ARFGEF1: variants seen among roughly 807,000 people sequenced by gnomAD.
ARFGEF1 encodes the protein ARF guanine nucleotide exchange factor 1, also known as brefeldin A-inhibited guanine nucleotide-exchange protein 1.
ARFGEF1 carries 42 observed loss-of-function variants against 231.0 expected under a neutral mutation model. That is an observed-to-expected ratio of 0.18 (90% CI 0.14 to 0.24). The LOEUF (loss-of-function observed/expected upper bound fraction) is 0.24. Ranked by LOEUF, ARFGEF1 falls within the 10% of genes least tolerant of loss-of-function variation. ARFGEF1 has a pLI of 1.00. For synonymous variants in ARFGEF1, 710 were observed against 732.3 expected (o/e 0.97, Z 0.49); for missense variants, 1,345 against 2,192.0 (o/e 0.61, Z 7.72).
intron 2 of ARFGEF1, among the ~76,000 whole-genome samples, chr8:67,302,073 C>T (rs1262141797): frequency 6.6e-6 from 1 of 151,946 alleles, no homozygotes; most frequent in Non-Finnish European, 1.5e-5. Flanking sequence ...GTGGTGCTCG[C>T]CTGTAGTCCC....
chr8:67,343,369 A>T lies in ARFGEF1; in HGVS notation c.-82T>A. 3 of 1,511,868 alleles carry T rather than the reference A, an allele frequency of 2.0e-6. No homozygotes were observed. The highest frequency in any genetic ancestry group is 1.8e-6 in the Non-Finnish European group (2 of 1,121,342). The allele number at this position is 1,511,868 out of a possible 1,614,324, so 93.7% of individuals were successfully genotyped here. A position where few individuals can be genotyped will look rare whatever the true frequency, so the allele number is the denominator to read the frequency against. Reference sequence around the variant, plus strand: ...GGAGGAGGAGGAGAGGAAGGAAGAGAAGAGAGAAAGGAGAGGGGGTGGAGG... The same window carrying T: ...GGAGGAGGAGGAGAGGAAGGAAGAGTAGAGAGAAAGGAGAGGGGGTGGAGG... On this transcript the variant is annotated 5_prime_UTR_variant, in exon 1 of 39. Transcript: ENST00000262215.
chr8:67,221,540 T>C (rs963196328), intron 29 of ARFGEF1, among the ~76,000 whole-genome samples: 3 of 152,214 alleles, frequency 2.0e-5, no homozygotes, highest in African/African-American at 7.2e-5. Flanking sequence ...AATACTTTTA[T>C]ATAGCTGTAC....
intron 19 of ARFGEF1, among the ~76,000 whole-genome samples, chr8:67,243,754 C>G (rs888176347): frequency 1.3e-5 from 2 of 152,112 alleles, no homozygotes; most frequent in East Asian, 3.9e-4. Flanking sequence ...CACGACCTCA[C>G]CAAACGAACT....
intron 33 of ARFGEF1, among the ~76,000 whole-genome samples, chr8:67,212,335 G>A (rs569222037): frequency 1.5e-4 from 23 of 152,166 alleles, no homozygotes; most frequent in East Asian, 9.7e-4. Context: ...TGCCTGCCTC[G>A]GCCTCCCAAA....
intron 5 of ARFGEF1, among the ~76,000 whole-genome samples, chr8:67,181,332 C>G (rs1373628206): frequency 6.7e-6 from 1 of 148,662 alleles, no homozygotes; most frequent in Non-Finnish European, 1.5e-5. Context: ...GCCACTGTAC[C>G]TGGCCATTTT....
At chr8:67,266,333 A>C (rs1804849780) in intron 13 of ARFGEF1, 126 bp from the exon 14 acceptor site, 1 of 686,946 alleles carries the variant, frequency 1.5e-6, no homozygotes, top group African/African-American at 1.8e-5. Context: ...AATACAAAAT[A>C]ACTATTAGGT....
intron 10 of ARFGEF1, among the ~76,000 whole-genome samples, chr8:67,271,048 A>G (rs1055307266): frequency 1.3e-5 from 2 of 148,952 alleles, no homozygotes; most frequent in African/African-American, 4.9e-5. Context: ...AAAAAAGGAA[A>G]AAGAAAAAAA....
chr8:67,311,812 A>G (rs1587289816), intron 1 of ARFGEF1, among the ~76,000 whole-genome samples: 1 of 152,204 alleles, frequency 6.6e-6, no homozygotes, highest in Non-Finnish European at 1.5e-5. Flanking sequence ...AAAGGTGGGG[A>G]AAAGATTGAG....
intron 29 of ARFGEF1, among the ~76,000 whole-genome samples, chr8:67,222,266 TG>T (rs1563846716): frequency 4.6e-4 from 58 of 126,188 alleles, no homozygotes; most frequent in African/African-American, 1.5e-3. Flanking sequence ...TATGTATGTA[TG>T]TATTTTTTTT....
chr8:67,316,203 A>G (rs1807308184), intron 1 of ARFGEF1, among the ~76,000 whole-genome samples: 1 of 152,206 alleles, frequency 6.6e-6, no homozygotes, highest in Non-Finnish European at 1.5e-5. Flanking sequence ...AAGAAGCACA[A>G]GCTACCACAA....
intron 1 of ARFGEF1, among the ~76,000 whole-genome samples, chr8:67,338,436 G>T (rs2128938012): frequency 6.6e-6 from 1 of 152,278 alleles, no homozygotes; most frequent in African/African-American, 2.4e-5. Context: ...CATAAATTCA[G>T]GAAGAACTTC....
Position 67,296,548 on chromosome 8 carries a change from A to G in ARFGEF1, c.522T>C (p.Ala174=), listed in dbSNP as rs1452753633. Residue 174 remains alanine, a synonymous_variant, in exon 5 of 39, where the codon GCT becomes GCC. Coordinates refer to ENST00000262215, the MANE Select transcript of ARFGEF1 (RefSeq NM_006421.5). ...IEIHEGTVLQ[A]VRTCYNIYLA... ...AGTAGATATTGTAACATGTTCTCAC[A>G]GCTTGCAGTACAGTCCCTTCATGAA... 5.6e-6 allele frequency: 9 copies of G among 1,614,044 alleles called. No individual in the cohort carries two copies. The highest frequency in any genetic ancestry group is 7.6e-6 in the Non-Finnish European group (9 of 1,179,972).
chr8:67,184,408 A>T (rs1403257144), intron 5 of ARFGEF1, among the ~76,000 whole-genome samples: 1 of 152,218 alleles, frequency 6.6e-6, no homozygotes, highest in Non-Finnish European at 1.5e-5. Flanking sequence ...TAGCCAAGCT[A>T]ATAAAAGAGA....
chr8:67,236,346 A>T (rs1309799052), intron 22 of ARFGEF1, among the ~76,000 whole-genome samples: 1 of 45,636 alleles, frequency 2.2e-5, no homozygotes, highest in South Asian at 8.7e-4. Flanking sequence ...AAAAGATATT[A>T]GTTAAAAAAA....
chr8:67,340,299 G>A (rs1366317462), intron 1 of ARFGEF1, among the ~76,000 whole-genome samples: 1 of 152,148 alleles, frequency 6.6e-6, no homozygotes, highest in Non-Finnish European at 1.5e-5. Context: ...TATTTAGAAG[G>A]GTTATAACAC....
At chr8:67,243,823 C>G (rs763515591) in intron 19 of ARFGEF1, among the ~76,000 whole-genome samples, 1 of 152,072 alleles carries the variant, frequency 6.6e-6, no homozygotes, top group Non-Finnish European at 1.5e-5. Flanking sequence ...ACAGAGAATT[C>G]AAAAGAGCTG....
chr8:67,282,994 A>C (rs1805600811), intron 7 of ARFGEF1, among the ~76,000 whole-genome samples: 1 of 152,078 alleles, frequency 6.6e-6, no homozygotes, highest in Non-Finnish European at 1.5e-5. Context: ...GAACAAAAGA[A>C]AGAAAAGGAA....
At chr8:67,335,282 T>G (rs571417843) in intron 1 of ARFGEF1, among the ~76,000 whole-genome samples, 3 of 152,072 alleles carry the variant, frequency 2.0e-5, no homozygotes, top group Admixed American at 2.0e-4. Flanking sequence ...ATTTTTTGTA[T>G]TTTTAGTAGA....
intron 34 of ARFGEF1, among the ~76,000 whole-genome samples, chr8:67,208,378 C>G (rs1292923144): frequency 6.6e-6 from 1 of 152,164 alleles, no homozygotes; most frequent in Non-Finnish European, 1.5e-5. Flanking sequence ...CGCCTTTAAT[C>G]CCAGCACTTT....
Sources: allele counts gnomAD v4.1 joint callset (sites outside exome capture counted in the v4.1 genomes callset), GRCh38; gene constraint gnomAD v4.1.1; transcripts MANE v1.5; gene names NCBI Gene and HGNC (gene_info 2026-07-23, HGNC 2026-07-21).